The following CSMD1 variants were observed in gnomAD, a reference collection of about 807,000 sequenced individuals.
CSMD1 encodes the protein CUB and Sushi multiple domains 1, also known as CUB and sushi domain-containing protein 1.
Under a neutral mutation model 417.5 loss-of-function variants are expected in CSMD1, and 213 were observed. The observed-to-expected ratio is 0.51, with a 90% CI of 0.46 to 0.57. The LOEUF (loss-of-function observed/expected upper bound fraction) is 0.57, where lower values mean the gene tolerates loss of function less well. Ranked by LOEUF, CSMD1 falls within the 20% of genes least tolerant of loss-of-function variation. The pLI is 0.00. For missense variants in CSMD1, 6,923 were observed against 4,529.7 expected (o/e 1.53, Z -15.17); for synonymous variants, 2,862 against 1,736.8 (o/e 1.65, Z -16.11).
chr8:4,787,328 G>C (rs991679730), intron 1 of CSMD1: 33 of 728,366 alleles, frequency 4.5e-5, no homozygotes, highest in Non-Finnish European at 7.8e-5. Flanking sequence ...GCCCACTCAG[G>C]ATAATGGCGA....
At chr8:3,086,750 G>T (rs1426678133) in intron 49 of CSMD1, among the ~76,000 whole-genome samples, 6 of 152,112 alleles carry the variant, frequency 3.9e-5, no homozygotes, top group African/African-American at 9.7e-5. Flanking sequence ...TAAAGAAAAT[G>T]AGTTTTCCAG....
intron 3 of CSMD1, among the ~76,000 whole-genome samples, chr8:4,043,213 A>T (rs1159778222): frequency 6.6e-6 from 1 of 152,182 alleles, no homozygotes; most frequent in Non-Finnish European, 1.5e-5. Flanking sequence ...GTCTAAAGTC[A>T]CCACTAAAAT....
chr8:4,262,400 G>C (rs1421468352), intron 3 of CSMD1, among the ~76,000 whole-genome samples: 1 of 152,186 alleles, frequency 6.6e-6, no homozygotes, highest in African/African-American at 2.4e-5. Flanking sequence ...CCAGAATAAA[G>C]GCAGGTTTGT....
chr8:3,980,765 G>C (rs1653712699), intron 5 of CSMD1, among the ~76,000 whole-genome samples: 1 of 152,140 alleles, frequency 6.6e-6, no homozygotes, highest in Non-Finnish European at 1.5e-5. Flanking sequence ...CATTTCTGCT[G>C]CAGGCGACAT....
intron 5 of CSMD1, among the ~76,000 whole-genome samples, chr8:3,894,686 G>T (rs972778282): frequency 1.3e-5 from 2 of 152,098 alleles, no homozygotes; most frequent in African/African-American, 4.8e-5. Context: ...AAAGTTCATT[G>T]ATCCTTTTTC....
chr8:4,063,910 T>C (rs1799109267), intron 3 of CSMD1, among the ~76,000 whole-genome samples: 1 of 152,222 alleles, frequency 6.6e-6, no homozygotes, highest in Non-Finnish European at 1.5e-5. Context: ...CACAATGATG[T>C]AGGTGATAAA....
rs1563064092 is a variant in CSMD1 at position 3,772,379 on chromosome 8, T to TATATTTATATATATACATATATA, written c.819-18338_819-18337insTATATATGTATATATATAAATAT. Among the ~76,000 whole-genome samples the TATATTTATATATATACATATATA allele has an allele frequency of 1.2e-4, 2 of 16,006 alleles. 1 individual carries two copies. The highest frequency in any genetic ancestry group is 3.0e-4 in the Non-Finnish European group (2 of 6,768). The allele number at this position is 16,006 out of a possible 152,430, so 10.5% of individuals were successfully genotyped here. A position where few individuals can be genotyped will look rare whatever the true frequency, so the allele number is the denominator to read the frequency against. On this transcript the variant is annotated intron_variant, in intron 5 of 69. Transcript: ENST00000635120. ...TTTATATATACATATATACATATAT[T>TATATTTATATATATACATATATA]CATATATTTATATATACACATATAT...
intron 5 of CSMD1, among the ~76,000 whole-genome samples, chr8:3,817,181 C>T (rs1448951171): frequency 1.3e-5 from 2 of 150,696 alleles, no homozygotes; most frequent in African/African-American, 2.4e-5. Context: ...CCCTCCCCCT[C>T]CCCAATGAAA....
intron 4 of CSMD1, among the ~76,000 whole-genome samples, chr8:4,028,446 C>A (rs917404150): frequency 6.6e-6 from 1 of 151,866 alleles, no homozygotes. Context: ...CCGTCATATG[C>A]CATTATGAAT....
rs544248181 is a variant in CSMD1, at chr8:3,749,104, A to G, written c.931+4826T>C. On this transcript the variant is annotated intron_variant, in intron 6 of 69. Transcript: ENST00000635120. Reference sequence around the variant, plus strand: ...GGGGCCCTCATGGTTCAAGATTAATATATTTTCAAAAAATTTATCTTGTAG... The same window carrying G: ...GGGGCCCTCATGGTTCAAGATTAATGTATTTTCAAAAAATTTATCTTGTAG... Among the ~76,000 whole-genome samples, 3 of 152,320 alleles carry G rather than the reference A, an allele frequency of 2.0e-5. No individual in the cohort carries two copies. In the South Asian group the frequency reaches 6.2e-4, roughly 32 times the overall value.
chr8:4,364,404 A>G (rs1801950746), intron 3 of CSMD1, among the ~76,000 whole-genome samples: 1 of 152,142 alleles, frequency 6.6e-6, no homozygotes. Context: ...AGCTTCCATT[A>G]TTGCCCTAGT....
At chr8:3,815,659 G>C (rs77008565) in intron 5 of CSMD1, among the ~76,000 whole-genome samples, 2,251 of 147,164 alleles carry the variant, frequency 0.015, 49 homozygotes, top group East Asian at 0.043. Context: ...AAACAACCTA[G>C]ACAATATCCT....
intron 2 of CSMD1, among the ~76,000 whole-genome samples, chr8:4,495,642 GGAA>G (rs1801944760): frequency 6.6e-6 from 1 of 152,030 alleles, no homozygotes; most frequent in African/African-American, 2.4e-5. Flanking sequence ...CAGACCTTGT[GGAA>G]GAATAGATGA....
rs572266053 is a variant in CSMD1 at position 3,770,975 on chromosome 8, G to A, written c.819-16933C>T. Among the ~76,000 whole-genome samples, 6 of 151,690 alleles carry A rather than the reference G, an allele frequency of 4.0e-5. No individual in the cohort carries two copies. In the South Asian group the frequency reaches 1.3e-3, roughly 32 times the overall value. On this transcript the variant is annotated intron_variant, in intron 5 of 69. Transcript: ENST00000635120. ...GGTAAGCAGAAATTGCCCAGTGCAT[G>A]TTAATTTGGACAGTTTCTCTCTCTC...
intron 25 of CSMD1, among the ~76,000 whole-genome samples, chr8:3,300,523 C>CTT (rs1318608511): frequency 2.0e-5 from 3 of 152,112 alleles, no homozygotes; most frequent in African/African-American, 7.2e-5. Context: ...TATAGAAAGA[C>CTT]TTGTACTAAG....
chr8:4,476,531 T>A (rs1202789325), intron 2 of CSMD1, among the ~76,000 whole-genome samples: 2 of 152,232 alleles, frequency 1.3e-5, no homozygotes, highest in Non-Finnish European at 2.9e-5. Flanking sequence ...TTCTAAAATA[T>A]GTATTTATAA....
chr8:4,730,070 A>C (rs293881), intron 1 of CSMD1, among the ~76,000 whole-genome samples: 2 of 151,956 alleles, frequency 1.3e-5, no homozygotes, highest in Non-Finnish European at 2.9e-5. Context: ...CAGAGAACAA[A>C]ATAAATTGTA....
At position 4,051,634 on chromosome 8, in the gene CSMD1, G is replaced by A. The variant is rs577772459; in HGVS notation, c.416-19535C>T. Among the ~76,000 whole-genome samples, 4 of 152,228 alleles carry A rather than the reference G, an allele frequency of 2.6e-5. No homozygotes were observed. The East Asian group carries it at 7.7e-4, about 29-fold the overall frequency. On this transcript the variant is annotated intron_variant, in intron 3 of 69. Coordinates refer to ENST00000635120, the MANE Select transcript of CSMD1 (RefSeq NM_033225.6). ...GCTTGTAGGTTTCTGTGGGGCCCTA[G>A]AAAACTATGATAAAATGGTGAGCAG...
At chr8:4,063,129 T>G (rs139825358) in intron 3 of CSMD1, among the ~76,000 whole-genome samples, 433 of 152,290 alleles carry the variant, frequency 2.8e-3, no homozygotes, top group African/African-American at 0.01. Flanking sequence ...TAATTTATTG[T>G]GTATTTCAAA....
Sources: allele counts gnomAD v4.1 joint callset (sites outside exome capture counted in the v4.1 genomes callset), GRCh38; gene constraint gnomAD v4.1.1; transcripts MANE v1.5; gene names NCBI Gene and HGNC (gene_info 2026-07-23, HGNC 2026-07-21).